Variants in ATCAY observed in about 807,000 individuals in gnomAD.
The protein encoded by ATCAY is ATCAY kinesin light chain interacting caytaxin.
In ATCAY, 22 loss-of-function variants were observed where a neutral mutation model predicts 47.7. The observed-to-expected ratio is 0.46, with a 90% CI of 0.33 to 0.66. The LOEUF (loss-of-function observed/expected upper bound fraction) is 0.66. Among genes scored for constraint, ATCAY ranks in the 30% least tolerant of loss-of-function variants. ATCAY has a pLI of 0.02. For synonymous variants in ATCAY, 216 were observed against 207.6 expected, an observed-to-expected ratio of 1.04 and a Z score of -0.35; for missense variants, 452 against 515.0, an observed-to-expected ratio of 0.88 and a Z score of 1.18.
chr19:3,883,994 C>T (rs1219044703), intron 1 of ATCAY, among the ~76,000 whole-genome samples: 1 of 151,896 alleles, frequency 6.6e-6, no homozygotes, highest in African/African-American at 2.4e-5. Context: ...CTCCTCAGAA[C>T]AAGAAAAACA....
At chr19:3,883,515 C>T (rs940492427) in intron 1 of ATCAY, among the ~76,000 whole-genome samples, 1 of 152,194 alleles carries the variant, frequency 6.6e-6, no homozygotes, top group Non-Finnish European at 1.5e-5. Context: ...GCCTTTAAGA[C>T]AAGGTTTCTC....
At chr19:3,896,166 C>T (rs912278115) in intron 2 of ATCAY, among the ~76,000 whole-genome samples, 1 of 151,626 alleles carries the variant, frequency 6.6e-6, no homozygotes, top group Non-Finnish European at 1.5e-5. Flanking sequence ...ATGCTTTCTA[C>T]AGCTTCACAT....
At chr19:3,906,430 G>A (rs990490636) in intron 4 of ATCAY, among the ~76,000 whole-genome samples, 1 of 151,402 alleles carries the variant, frequency 6.6e-6, no homozygotes, top group Admixed American at 6.6e-5. Flanking sequence ...AGCCTCCCGA[G>A]TAGCTGGGAT....
intron 3 of ATCAY, among the ~76,000 whole-genome samples, chr19:3,903,867 C>T (rs561557375): frequency 5.3e-5 from 8 of 150,368 alleles, no homozygotes; most frequent in African/African-American, 1.5e-4. Context: ...GGCAGGTCAC[C>T]GTGGCTCACG....
At chr19:3,898,478 C>T (rs1240134271) in intron 2 of ATCAY, among the ~76,000 whole-genome samples, 1 of 152,238 alleles carries the variant, frequency 6.6e-6, no homozygotes, top group African/African-American at 2.4e-5. Flanking sequence ...AGCCACCACA[C>T]TCAGCCAACA....
intron 2 of ATCAY, among the ~76,000 whole-genome samples, chr19:3,886,318 C>A (rs764325388): frequency 2.6e-5 from 4 of 152,046 alleles, no homozygotes; most frequent in African/African-American, 9.7e-5. Context: ...GCATGCCGGG[C>A]GCAGTGACTC....
At chr19:3,894,682 C>G (rs1312187499) in intron 2 of ATCAY, among the ~76,000 whole-genome samples, 1 of 149,758 alleles carries the variant, frequency 6.7e-6, no homozygotes, top group East Asian at 2.0e-4. Context: ...GGTGTGGCAG[C>G]TCACTCCTGT....
At chr19:3,885,876 G>C (rs761543482) in intron 2 of ATCAY, 32 bp downstream of exon 2, 2 of 1,547,724 alleles carry the variant, frequency 1.3e-6, no homozygotes, top group Non-Finnish European at 1.7e-6. Context: ...GTCAACCGTT[G>C]GGGGAGCAGG....
chr19:3,892,788 A>T (rs931510249), intron 2 of ATCAY, among the ~76,000 whole-genome samples: 1 of 151,968 alleles, frequency 6.6e-6, no homozygotes, highest in African/African-American at 2.4e-5. Context: ...GGCACCTGTA[A>T]TCCCAGCTAC....
chr19:3,916,199 A>C (rs1284160619), intron 9 of ATCAY, among the ~76,000 whole-genome samples: 1 of 152,186 alleles, frequency 6.6e-6, no homozygotes, highest in African/African-American at 2.4e-5. Context: ...CTCAAGGTGC[A>C]TCCACATTGT....
chr19:3,906,595 G>A (rs1434276371), intron 4 of ATCAY, among the ~76,000 whole-genome samples: 6 of 152,096 alleles, frequency 3.9e-5, no homozygotes, highest in South Asian at 2.1e-4. Context: ...GAGCCACGGC[G>A]CCCAGCCTGC....
chr19:3,912,318 A>AT (rs1376755152), intron 8 of ATCAY, among the ~76,000 whole-genome samples: 107 of 146,376 alleles, frequency 7.3e-4, no homozygotes, highest in Non-Finnish European at 7.9e-4. Flanking sequence ...ACAAAAAAAA[A>AT]TTTTTTTTTT....
chr19:3,913,284 G>A (rs765877982), intron 8 of ATCAY, among the ~76,000 whole-genome samples: 2 of 152,142 alleles, frequency 1.3e-5, no homozygotes, highest in Non-Finnish European at 2.9e-5. Context: ...AAGACTCTGT[G>A]TCAAAAAATA....
At chr19:3,923,513 G>A (rs2039038048) in intron 12 of ATCAY, among the ~76,000 whole-genome samples, 1 of 151,564 alleles carries the variant, frequency 6.6e-6, no homozygotes, top group African/African-American at 2.4e-5. Flanking sequence ...ATGAATGAGT[G>A]GAGGGATGGG....
In ATCAY at chr19:3,907,370, G is replaced by A. The variant is rs748262337; in HGVS notation, c.359-364G>A. Reference sequence around the variant, plus strand: ...GAGGCAGGAGGACTGCTCTCTGTGTGCCAGGCTCCTGGGAGAGTAAAAACC... The same window carrying A: ...GAGGCAGGAGGACTGCTCTCTGTGTACCAGGCTCCTGGGAGAGTAAAAACC... On this transcript the variant is annotated intron_variant, in intron 4 of 12. Transcript: ENST00000450849. The surrounding 1 kb of genome is among the most constrained non-coding windows in gnomAD (Gnocchi z 5.1). Among the ~76,000 whole-genome samples the A allele has an allele frequency of 2.0e-5, 3 of 152,318 alleles. No individual in the cohort carries two copies. Among genetic ancestry groups the A allele is most frequent in the East Asian group, 1.9e-4 (1 of 5,188 alleles).
intron 1 of ATCAY, 96 bp from the exon 2 acceptor site, chr19:3,885,631 G>T: frequency 1.6e-6 from 1 of 630,524 alleles, no homozygotes; most frequent in Admixed American, 2.4e-5. Context: ...AGGGGGAGAC[G>T]GAGGGGGAGT....
At chr19:3,908,178 G>GCCCACACGC in intron 5 of ATCAY, 90 bp from the exon 6 acceptor site, 1 of 1,199,532 alleles carries the variant, frequency 8.3e-7, no homozygotes, top group Non-Finnish European at 1.2e-6. Flanking sequence ...TCCCGAGCGT[G>GCCCACACGC]TGGGCACCGG....
At chr19:3,893,795 GGCA>G (rs1387735144) in intron 2 of ATCAY, 1 of 152,348 alleles carries the variant, frequency 6.6e-6, no homozygotes, top group African/African-American at 2.4e-5. Context: ...CACTGCAACT[GGCA>G]GCTCAGCCTC....
At chr19:3,924,001 T>C (rs2039043584) in intron 12 of ATCAY, among the ~76,000 whole-genome samples, 1 of 118,680 alleles carries the variant, frequency 8.4e-6, no homozygotes, top group African/African-American at 3.3e-5. Flanking sequence ...GATGGATGGA[T>C]GGACAGATGG....
Sources: allele counts gnomAD v4.1 joint callset (sites outside exome capture counted in the v4.1 genomes callset), GRCh38; gene constraint gnomAD v4.1.1; non-coding constraint Gnocchi (gnomAD v3.1); transcripts MANE v1.5; gene names NCBI Gene and HGNC (gene_info 2026-07-23, HGNC 2026-07-21).